RBFOX1: variants seen among roughly 807,000 people sequenced by gnomAD.
The protein encoded by RBFOX1 is RNA binding protein fox-1 homolog 1.
A neutral mutation model predicts 57.7 loss-of-function variants in RBFOX1; 8 were observed. That is an observed-to-expected ratio of 0.14 (90% CI 0.08 to 0.25). The LOEUF is 0.25. Among genes scored for constraint, RBFOX1 ranks in the 10% least tolerant of loss-of-function variants. The pLI is 1.00. For synonymous variants in RBFOX1, 326 were observed against 222.4 expected (o/e 1.47, Z -4.15); for missense variants, 611 against 548.5 (o/e 1.11, Z -1.14).
chr16:7,660,025 T>C (rs1366727356), intron 12 of RBFOX1, among the ~76,000 whole-genome samples: 1 of 152,174 alleles, frequency 6.6e-6, no homozygotes, highest in Non-Finnish European at 1.5e-5. Flanking sequence ...AAAGTTTATT[T>C]TCTAGTTGGA....
In RBFOX1 at chr16:6,854,864, G is replaced by A. The variant is rs1021945632; in HGVS notation, c.-15-197193G>A. Among the ~76,000 whole-genome samples the A allele has an allele frequency of 3.3e-5, 5 of 152,166 alleles. No homozygotes were observed. In the East Asian group the frequency reaches 9.7e-4, roughly 30 times the overall value. ...CTGCCTCGGCCTCCCAAAGTGCTGG[G>A]ATTACAGGCGTGAGCCACCGCGCCC... On this transcript the variant is annotated intron_variant, in intron 3 of 15. Coordinates refer to ENST00000550418, the MANE Select transcript of RBFOX1 (RefSeq NM_018723.4).
intron 4 of RBFOX1, among the ~76,000 whole-genome samples, chr16:7,455,555 G>A (rs1217151901): frequency 1.3e-5 from 2 of 152,008 alleles, no homozygotes; most frequent in Non-Finnish European, 2.9e-5. Context: ...ACATTGAGAG[G>A]CCGAGGAGGG....
intron 5 of RBFOX1, among the ~76,000 whole-genome samples, chr16:7,571,807 C>G (rs1009748512): frequency 7.1e-6 from 1 of 141,186 alleles, no homozygotes; most frequent in Admixed American, 7.3e-5. Flanking sequence ...GAGGCTGCGT[C>G]TCAGAGTTGT....
chr16:7,171,877 C>T (rs545355509), intron 4 of RBFOX1, among the ~76,000 whole-genome samples: 2 of 152,146 alleles, frequency 1.3e-5, no homozygotes, highest in Non-Finnish European at 2.9e-5. Flanking sequence ...TGAGACACAT[C>T]TCTGCTTATG....
chr16:6,228,039 G>A (rs551936061), intron 1 of RBFOX1, among the ~76,000 whole-genome samples: 3 of 152,250 alleles, frequency 2.0e-5, no homozygotes, highest in African/African-American at 7.2e-5. Context: ...GGCCAGGCAC[G>A]GTGGCTCACA....
At chr16:6,601,591 C>T (rs965895202) in intron 2 of RBFOX1, among the ~76,000 whole-genome samples, 1 of 152,150 alleles carries the variant, frequency 6.6e-6, no homozygotes, top group African/African-American at 2.4e-5. Flanking sequence ...AAAAGGACCA[C>T]TGTTCCTCCA....
chr16:5,768,142 G>A (rs1020564593), intron 3 of RBFOX1, among the ~76,000 whole-genome samples: 6 of 152,156 alleles, frequency 3.9e-5, no homozygotes, highest in Admixed American at 2.0e-4. Context: ...TAGTCTGCAA[G>A]CTTAATGAAT....
rs139330958 is a variant in RBFOX1 at position 6,973,513 on chromosome 16, A to C, written c.-15-78544A>C. ...CTTTTGCTGAAATGCTCCTATTTCT[A>C]GGAGAAGCTCAACGTTGATTTTTCA... On this transcript the variant is annotated intron_variant, in intron 3 of 15. Coordinates refer to ENST00000550418, the MANE Select transcript of RBFOX1 (RefSeq NM_018723.4). Among the ~76,000 whole-genome samples, 421 of 152,312 alleles carry C rather than the reference A, an allele frequency of 2.8e-3. 4 individuals are homozygous for C. The highest frequency in any genetic ancestry group is 1.0e-2 in the African/African-American group (414 of 41,570).
At chr16:7,243,208 G>C (rs186060587) in intron 4 of RBFOX1, among the ~76,000 whole-genome samples, 2 of 152,074 alleles carry the variant, frequency 1.3e-5, no homozygotes, top group Non-Finnish European at 2.9e-5. Flanking sequence ...CTCTTGCTAC[G>C]TGCCAACAAC....
At chr16:7,492,708 G>GTCC (rs1413826482) in intron 4 of RBFOX1, among the ~76,000 whole-genome samples, 2 of 804 alleles carry the variant, frequency 2.5e-3, no homozygotes, top group African/African-American at 3.3e-3. Flanking sequence ...TGGTGGTAGT[G>GTCC]GCATGATAGT....
intron 10 of RBFOX1, among the ~76,000 whole-genome samples, chr16:7,623,038 C>T (rs2059550677): frequency 6.6e-6 from 1 of 152,176 alleles, no homozygotes; most frequent in Non-Finnish European, 1.5e-5. Context: ...ACCTCCATTG[C>T]TAGGTACCTT....
At chr16:7,168,679 C>G (rs1187038858) in intron 4 of RBFOX1, among the ~76,000 whole-genome samples, 1 of 152,158 alleles carries the variant, frequency 6.6e-6, no homozygotes, top group African/African-American at 2.4e-5. Flanking sequence ...GCCATAACTT[C>G]CTTTCCTTCC....
intron 4 of RBFOX1, among the ~76,000 whole-genome samples, chr16:5,885,636 C>T (rs1007764342): frequency 6.6e-6 from 1 of 152,142 alleles, no homozygotes; most frequent in African/African-American, 2.4e-5. Flanking sequence ...ATTCTATGTT[C>T]TCTTTCAGAA....
At chr16:5,350,901 AAT>A (rs1349205987) in intron 1 of RBFOX1, among the ~76,000 whole-genome samples, 2 of 151,368 alleles carry the variant, frequency 1.3e-5, no homozygotes, top group African/African-American at 4.9e-5. Context: ...TCATAATCAT[AAT>A]CATAATGCAT....
chr16:7,306,016 G>C (rs1484383105), intron 4 of RBFOX1, among the ~76,000 whole-genome samples: 2 of 152,144 alleles, frequency 1.3e-5, no homozygotes, highest in African/African-American at 2.4e-5. Context: ...CTAAGCCTCA[G>C]TTGGATTTAT....
intron 4 of RBFOX1, among the ~76,000 whole-genome samples, chr16:7,311,484 T>TTC (rs1415658646): frequency 6.7e-6 from 1 of 149,958 alleles, no homozygotes; most frequent in Non-Finnish European, 1.5e-5. Flanking sequence ...TTTTCTTTTT[T>TTC]TTTTTTTTTT....
At chr16:6,782,732 C>T (rs1411212182) in intron 3 of RBFOX1, among the ~76,000 whole-genome samples, 2 of 152,118 alleles carry the variant, frequency 1.3e-5, no homozygotes, top group Non-Finnish European at 2.9e-5. Flanking sequence ...TTGTAAATGT[C>T]TATTGATCAA....
chr16:6,060,232 T>G (rs1311328583), intron 1 of RBFOX1, among the ~76,000 whole-genome samples: 2 of 150,496 alleles, frequency 1.3e-5, no homozygotes, highest in Non-Finnish European at 1.5e-5. Flanking sequence ...ACGTACTGAG[T>G]TTTGGCTCTC....
In RBFOX1 at chr16:7,375,737, A is replaced by T. The variant is rs147635756; in HGVS notation, c.28-142410A>T. Among the ~76,000 whole-genome samples the T allele has an allele frequency of 6.8e-4, 103 of 152,324 alleles. 1 individual carries two copies. Among genetic ancestry groups the T allele is most frequent in the Middle Eastern group, 3.4e-3 (1 of 294 alleles). ...TGCCTATAAATAAATACAGTGACAAATAAAATGAATGATTTTTCTGGGTTC... is the reference window on the plus strand; with the variant it reads ...TGCCTATAAATAAATACAGTGACAATTAAAATGAATGATTTTTCTGGGTTC... On this transcript the variant is annotated intron_variant, in intron 4 of 15. Transcript: ENST00000550418.
Sources: gnomAD v4.1 joint callset for allele counts (sites outside exome capture counted in the v4.1 genomes callset) on GRCh38, gnomAD v4.1.1 for gene constraint, MANE v1.5 for transcripts, NCBI Gene and HGNC (gene_info 2026-07-23, HGNC 2026-07-21) for gene names.